The following TLE2 variants were observed in gnomAD, a reference collection of about 807,000 sequenced individuals.
TLE2 encodes TLE family member 2, transcriptional corepressor, also known as transducin-like enhancer protein 2.
Under a neutral mutation model 97.2 loss-of-function variants are expected in TLE2, and 74 were observed. That is an observed-to-expected ratio of 0.76 (90% confidence interval 0.63 to 0.92). The LOEUF is 0.92. TLE2 is among the 40% of genes least tolerant of loss of function. TLE2 has a pLI of 0.00. For missense variants in TLE2, 1,038 were observed against 1,008.7 expected, an observed-to-expected ratio of 1.03 and a Z score of -0.39; for synonymous variants, 499 against 432.1, an observed-to-expected ratio of 1.15 and a Z score of -1.92.
At chr19:3,026,142 A>G (rs1448051085) in intron 4 of TLE2, among the ~76,000 whole-genome samples, 1 of 152,102 alleles carries the variant, frequency 6.6e-6, no homozygotes. Context: ...ACTAAAGTCA[A>G]TTTTAGAATC....
chr19:3,028,416 C>T, intron 2 of TLE2, 34 bp from the exon 3 acceptor site: 1 of 1,568,024 alleles, frequency 6.4e-7, no homozygotes, highest in Non-Finnish European at 8.7e-7. Context: ...GGGCTCCCAC[C>T]CGCCCCATGT....
chr19:3,047,351 C>A (rs894836809), upstream of TLE2, among the ~76,000 whole-genome samples: 3 of 144,988 alleles, frequency 2.1e-5, no homozygotes, highest in East Asian at 2.2e-4. Context: ...GCACGCCCCC[C>A]CAGGACGCCT....
intron 18 of TLE2, among the ~76,000 whole-genome samples, chr19:3,001,489 A>AT (rs945387298): frequency 1.6e-3 from 240 of 151,436 alleles, no homozygotes; most frequent in African/African-American, 4.6e-3. Flanking sequence ...CTAATGAATG[A>AT]TTTTTTTTTA....
intron 17 of TLE2, 135 bp downstream of exon 17, chr19:3,005,302 G>A (rs754064703): frequency 6.5e-6 from 8 of 1,236,820 alleles, no homozygotes; most frequent in Middle Eastern, 2.8e-4. Context: ...GTGTCTGGGG[G>A]ACAAGAAAGA....
upstream of TLE2, among the ~76,000 whole-genome samples, chr19:3,031,666 CCTCA>C (rs1348179082): frequency 1.3e-5 from 2 of 152,042 alleles, no homozygotes; most frequent in African/African-American, 4.8e-5. Context: ...TCATTTTCGC[CCTCA>C]CTCACTCTGC....
intron 17 of TLE2, among the ~76,000 whole-genome samples, chr19:3,003,819 C>T (rs558196243): frequency 6.6e-6 from 1 of 151,880 alleles, no homozygotes; most frequent in African/African-American, 2.4e-5. Flanking sequence ...GTGATCCTCC[C>T]GCCTCAGCCT....
At chr19:3,012,453 G>GAT (rs1279443218) in intron 11 of TLE2, among the ~76,000 whole-genome samples, 2 of 152,184 alleles carry the variant, frequency 1.3e-5, no homozygotes, top group African/African-American at 4.8e-5. Flanking sequence ...CTGTTCTCGA[G>GAT]TGATCGTCCT....
Position 3,009,395 on chromosome 19 carries a change from A to C in TLE2, c.1173+147T>G, listed in dbSNP as rs140204257. On this transcript the variant is annotated intron_variant, in intron 13 of 19. Transcript: ENST00000262953. ...AGCTTGTGGGACTACTGAGACCCCC[A>C]GATTGTCTTCCCATGCATACTTGCT... The C allele has an allele frequency of 3.7e-3, 3,585 of 974,544 alleles. 15 individuals carry two copies. Among genetic ancestry groups the C allele is most frequent in the Non-Finnish European group, 4.2e-3 (2,937 of 699,198 alleles). 60.4% of individuals were successfully genotyped at this position (974,544 alleles called of 1,614,324 possible).
In TLE2 at chr19:3,019,849, C is replaced by A. The variant is rs2089801421; in HGVS notation, c.295-76G>T. The A allele has an allele frequency of 6.6e-6, 10 of 1,515,464 alleles. No homozygotes were observed. The highest frequency in any genetic ancestry group is 2.7e-6 in the Non-Finnish European group (3 of 1,121,712). The allele number at this position is 1,515,464 out of a possible 1,614,324, so 93.9% of individuals were successfully genotyped here. ...CTAGCGGTGCCCTTGGGGACCTGAC[C>A]TCTCCCCGCCACCCTCTCATCTTTG... is the stretch of plus-strand genomic sequence containing the variant. On this transcript the variant is annotated intron_variant, in intron 5 of 19. Coordinates refer to ENST00000262953, the MANE Select transcript of TLE2 (RefSeq NM_003260.5). This position sits in a 1 kb window ranked among gnomAD's most constrained non-coding sequence, Gnocchi z 5.1.
At position 3,019,629 on chromosome 19, in the gene TLE2, T is replaced by C; in HGVS notation, c.369+70A>G. 6.4e-7 allele frequency: 1 copy of C among 1,562,950 alleles called. No individual in the cohort carries two copies. The highest frequency in any genetic ancestry group is 8.7e-7 in the Non-Finnish European group (1 of 1,153,476). The stretch of plus-strand genomic sequence containing the variant: ...CACACACCACCCCAGCTTTAACACC[T>C]CCTGGGTGGGTGCCAGGGACCTGGG... On this transcript the variant is annotated intron_variant, in intron 6 of 19. Transcript: ENST00000262953. This position sits in a 1 kb window ranked among gnomAD's most constrained non-coding sequence, Gnocchi z 5.1.
At chr19:3,040,565 C>CT (rs981900443) in intron 1 of TLE2, among the ~76,000 whole-genome samples, 6 of 152,002 alleles carry the variant, frequency 3.9e-5, no homozygotes, top group African/African-American at 1.2e-4. Context: ...TTTCGAACTC[C>CT]TGGCCTCAAG....
chr19:3,008,504 G>A lies in TLE2; in HGVS notation c.1250+365C>T, dbSNP rs138000508. On this transcript the variant is annotated intron_variant, in intron 14 of 19. Coordinates refer to ENST00000262953, the MANE Select transcript of TLE2 (RefSeq NM_003260.5). ...CTCGCTCTATTGCCCAGGCTGGAGT[G>A]CAATGGCACGGTCTCAGCTCACTGC... 1.5e-4 allele frequency among the ~76,000 whole-genome samples: 22 copies of A among 150,702 alleles called. No individual in the cohort carries two copies. In the East Asian group the frequency reaches 3.9e-3, roughly 27 times the overall value.
chr19:3,001,128 C>G (rs971848287), intron 18 of TLE2, among the ~76,000 whole-genome samples: 2 of 152,134 alleles, frequency 1.3e-5, no homozygotes, highest in African/African-American at 4.8e-5. Flanking sequence ...CAAAAATCAG[C>G]TGGGCATTGT....
chr19:3,031,814 G>A (rs183720454), upstream of TLE2, among the ~76,000 whole-genome samples: 5 of 152,158 alleles, frequency 3.3e-5, no homozygotes, highest in East Asian at 1.9e-4. Flanking sequence ...TCCTCAGAAC[G>A]GCCCCTCCTA....
At chr19:3,001,498 TAA>T (rs545441128) in intron 18 of TLE2, among the ~76,000 whole-genome samples, 28 of 152,040 alleles carry the variant, frequency 1.8e-4, no homozygotes, top group African/African-American at 6.7e-4. Context: ...GATTTTTTTT[TAA>T]AAAGAGATAG....
chr19:3,009,017 C>T, intron 13 of TLE2, 72 bp from the exon 14 acceptor site: 7 of 1,227,764 alleles, frequency 5.7e-6, no homozygotes, highest in Non-Finnish European at 7.9e-6. Context: ...CCACGCCCAC[C>T]TGCCATACCC....
intron 4 of TLE2, 168 bp from the exon 5 acceptor site, chr19:3,025,250 A>G: frequency 9.2e-7 from 1 of 1,090,454 alleles, no homozygotes; most frequent in Non-Finnish European, 1.3e-6. Context: ...GGTGGGATTC[A>G]GAGCCCCACC....
intron 5 of TLE2, among the ~76,000 whole-genome samples, chr19:3,023,459 CAG>C (rs2089885205): frequency 6.6e-6 from 1 of 152,206 alleles, no homozygotes; most frequent in Non-Finnish European, 1.5e-5. Flanking sequence ...CCAGAAATCT[CAG>C]ACTCAGTGGA....
At position 3,028,712 on chromosome 19, in the gene TLE2, T is replaced by G; in HGVS notation, c.116A>C (p.Tyr39Ser). The G allele has an allele frequency of 1.9e-6, 3 of 1,611,076 alleles. No individual in the cohort carries two copies. Among genetic ancestry groups the G allele is most frequent in the Non-Finnish European group, 2.5e-6 (3 of 1,179,198 alleles). Residue 39 changes from tyrosine (Y) to serine (S), a missense_variant, in exon 2 of 20, where the codon TAC (tyrosine) becomes TCC (serine). Physicochemically the swap from Tyr to Ser is moderately radical, Grantham distance 144. Coordinates refer to ENST00000262953, the MANE Select transcript of TLE2 (RefSeq NM_003260.5). ...KEEFQFLQAQ[Y>S]HSLKLECEKL... ...CTGGGGCGGCCCCCCTCACCTGTGG[T>G]ATTGAGCCTGAAGAAACTGGAATTC... is the stretch of plus-strand genomic sequence containing the variant.
Sources: gnomAD v4.1 joint callset for allele counts (sites outside exome capture counted in the v4.1 genomes callset) on GRCh38, gnomAD v4.1.1 for gene constraint, Gnocchi (gnomAD v3.1) non-coding constraint, MANE v1.5 for transcripts, NCBI Gene and HGNC (gene_info 2026-07-23, HGNC 2026-07-21) for gene names.